ANO1: variants seen among roughly 807,000 people sequenced by gnomAD.
The protein encoded by ANO1 is anoctamin 1, also known as anoctamin-1.
Under a neutral mutation model 124.0 loss-of-function variants are expected in ANO1, and 59 were observed. The observed-to-expected ratio is 0.48, with a 90% CI of 0.39 to 0.59. The LOEUF (loss-of-function observed/expected upper bound fraction) is 0.59. Ranked by LOEUF, ANO1 falls within the 20% of genes least tolerant of loss-of-function variation. The pLI, the probability that ANO1 is intolerant of heterozygous loss-of-function variation, is 0.00. For missense variants in ANO1, 1,059 were observed against 1,328.0 expected (o/e 0.80, Z 3.15); for synonymous variants, 529 against 532.0 (o/e 0.99, Z 0.08).
At chr11:70,107,207 G>T (rs912438059) in intron 5 of ANO1, among the ~76,000 whole-genome samples, 1 of 152,154 alleles carries the variant, frequency 6.6e-6, no homozygotes, top group Non-Finnish European at 1.5e-5. Flanking sequence ...CAGCAGGGAT[G>T]TATTGGGCAC....
intron 1 of ANO1, among the ~76,000 whole-genome samples, chr11:69,995,932 C>T (rs1856262051): frequency 6.6e-6 from 1 of 152,076 alleles, no homozygotes; most frequent in Non-Finnish European, 1.5e-5. Context: ...GCTAATAGAG[C>T]GAAACCCTGT....
At chr11:70,160,951 A>T (rs1040109496) in intron 16 of ANO1, among the ~76,000 whole-genome samples, 3 of 152,200 alleles carry the variant, frequency 2.0e-5, no homozygotes, top group Admixed American at 1.3e-4. Context: ...TGTCCATGGA[A>T]CAGAAACTAG....
chr11:70,157,120 A>G, intron 16 of ANO1, 99 bp downstream of exon 16: 1 of 1,119,580 alleles, frequency 8.9e-7, no homozygotes, highest in Non-Finnish European at 1.3e-6. Context: ...TAATCCCAGC[A>G]CTTTGGGAGG....
intron 1 of ANO1, among the ~76,000 whole-genome samples, chr11:70,028,830 A>G (rs1027473860): frequency 2.6e-5 from 4 of 152,112 alleles, no homozygotes; most frequent in African/African-American, 9.7e-5. Context: ...TGCCCGGGCT[A>G]GAGTGCAATG....
intron 23 of ANO1, among the ~76,000 whole-genome samples, chr11:70,181,158 T>G (rs2048914173): frequency 6.6e-6 from 1 of 152,146 alleles, no homozygotes; most frequent in South Asian, 2.1e-4. Flanking sequence ...GGCCCATGGC[T>G]CTCGTCCCTT....
intron 1 of ANO1, among the ~76,000 whole-genome samples, chr11:69,991,110 G>A (rs531961031): frequency 4.6e-5 from 7 of 152,234 alleles, no homozygotes; most frequent in South Asian, 2.1e-4. Flanking sequence ...TTATATTTAG[G>A]TCAGTCCATT....
intron 1 of ANO1, among the ~76,000 whole-genome samples, chr11:70,057,797 C>T (rs1857475657): frequency 6.6e-6 from 1 of 152,110 alleles, no homozygotes; most frequent in African/African-American, 2.4e-5. Flanking sequence ...TTGCTTCAGG[C>T]CATCTAGATG....
Position 70,094,326 on chromosome 11 carries a change from A to T in ANO1, c.441+6242A>T, listed in dbSNP as rs937143490. Among the ~76,000 whole-genome samples, 12 of 152,276 alleles carry T rather than the reference A, an allele frequency of 7.9e-5. No individual in the cohort carries two copies. In the Middle Eastern group the frequency reaches 0.01, roughly 129 times the overall value. On this transcript the variant is annotated intron_variant, in intron 2 of 25. Coordinates refer to ENST00000355303, the MANE Select transcript of ANO1 (RefSeq NM_018043.7). ...GGGCAGCCATTTCTTGCCATTTCCC[A>T]TGGAGGCCTTGTGGATGTGGGCAGG...
chr11:70,177,012 G>A (rs2048727712), intron 22 of ANO1, among the ~76,000 whole-genome samples: 1 of 152,192 alleles, frequency 6.6e-6, no homozygotes. Context: ...CTGCAGACCT[G>A]TCAGGACAGG....
At chr11:70,185,806 C>T in intron 25 of ANO1, 111 bp downstream of exon 25, 1 of 1,175,356 alleles carries the variant, frequency 8.5e-7, no homozygotes, top group Non-Finnish European at 1.2e-6. Flanking sequence ...TCAGAGACTC[C>T]TCCAGAGGCT....
chr11:70,148,386 C>G (rs990262853), intron 11 of ANO1, among the ~76,000 whole-genome samples: 49 of 152,136 alleles, frequency 3.2e-4, no homozygotes, highest in African/African-American at 1.2e-3. Flanking sequence ...TAGAGGGCAC[C>G]ATTTTATGGA....
intron 1 of ANO1, among the ~76,000 whole-genome samples, chr11:69,997,528 G>C (rs1375486313): frequency 6.6e-6 from 1 of 152,044 alleles, no homozygotes; most frequent in Non-Finnish European, 1.5e-5. Context: ...CTCTCCCCCA[G>C]CCACTCTCCC....
intron 2 of ANO1, among the ~76,000 whole-genome samples, chr11:70,100,480 A>G: frequency 6.6e-6 from 1 of 152,138 alleles, no homozygotes; most frequent in Non-Finnish European, 1.5e-5. Flanking sequence ...CAGCCAGGGG[A>G]CGCCTGGAGC....
At chr11:70,091,218 T>G (rs1031989064) in intron 2 of ANO1, among the ~76,000 whole-genome samples, 2 of 152,138 alleles carry the variant, frequency 1.3e-5, no homozygotes, top group Non-Finnish European at 2.9e-5. Context: ...GTGCTCAGAT[T>G]ACAACGAGCA....
intron 8 of ANO1, among the ~76,000 whole-genome samples, chr11:70,116,997 G>C (rs111999471): frequency 6.6e-5 from 10 of 152,056 alleles, no homozygotes; most frequent in African/African-American, 2.4e-4. Context: ...AAATTTACCT[G>C]ACCTGGAACC....
At chr11:69,987,010 T>G (rs1304561821) in intron 1 of ANO1, among the ~76,000 whole-genome samples, 1 of 152,136 alleles carries the variant, frequency 6.6e-6, no homozygotes, top group Non-Finnish European at 1.5e-5. Context: ...AAGCCCTCCT[T>G]TTATTCTTCC....
Position 70,085,537 on chromosome 11 carries a change from C to T in ANO1, c.109-2215C>T, listed in dbSNP as rs766438668. 12 of 1,536,108 alleles carry T rather than the reference C, an allele frequency of 7.8e-6. No individual in the cohort carries two copies. In the South Asian group the frequency reaches 1.1e-4, roughly 14 times the overall value. ...GCACCAGATGCTGACCAGGCCCTCC[C>T]AGGTGGTGAGCAATGCTGTTTCCAG... On this transcript the variant is annotated intron_variant, in intron 1 of 25. Coordinates refer to ENST00000355303, the MANE Select transcript of ANO1 (RefSeq NM_018043.7).
intron 10 of ANO1, among the ~76,000 whole-genome samples, chr11:70,128,773 C>T (rs941239673): frequency 6.6e-6 from 1 of 152,196 alleles, no homozygotes; most frequent in Non-Finnish European, 1.5e-5. Flanking sequence ...TGGCTAAAGG[C>T]GGTGAAGTGA....
At chr11:69,995,207 C>A (rs1856245750) in intron 1 of ANO1, among the ~76,000 whole-genome samples, 1 of 150,582 alleles carries the variant, frequency 6.6e-6, no homozygotes, top group South Asian at 2.1e-4. Flanking sequence ...TCAAGCAATT[C>A]TCCTGCCTCA....
Sources: allele counts gnomAD v4.1 joint callset (sites outside exome capture counted in the v4.1 genomes callset), GRCh38; gene constraint gnomAD v4.1.1; transcripts MANE v1.5; gene names NCBI Gene and HGNC (gene_info 2026-07-23, HGNC 2026-07-21).